TEX11: variants seen among roughly 807,000 people sequenced by gnomAD.
TEX11 encodes the protein testis-expressed protein 11.
A neutral mutation model predicts 84.4 loss-of-function variants in TEX11; 7 were observed. The observed-to-expected ratio is 0.08, with a 90% confidence interval of 0.05 to 0.16. The LOEUF is 0.16. Ranked by LOEUF, TEX11 falls within the 10% of genes least tolerant of loss-of-function variation. TEX11 has a pLI of 1.00. For missense variants in TEX11, 551 were observed against 660.5 expected (o/e 0.83, Z 1.82); for synonymous variants, 264 against 222.8 (o/e 1.18, Z -1.64).
At chrX:70,528,771 G>A (rs1408929626), downstream of TEX11, among the ~76,000 whole-genome samples, 1 of 111,426 alleles carries the variant, frequency 9.0e-6, no homozygotes, top group Non-Finnish European at 1.9e-5. Flanking sequence ...CAGGGATTAG[G>A]AATTTGAGCA....
chrX:70,628,874 G>A (rs776616829), intron 18 of TEX11, among the ~76,000 whole-genome samples: 10 of 112,481 alleles, frequency 8.9e-5, no homozygotes, highest in Non-Finnish European at 1.7e-4. Flanking sequence ...AAGCCAAAGA[G>A]AGCTACTGGA....
intron 25 of TEX11, among the ~76,000 whole-genome samples, chrX:70,558,410 C>G (rs943445182): frequency 4.5e-5 from 5 of 111,309 alleles, no homozygotes; most frequent in Non-Finnish European, 9.4e-5. Flanking sequence ...ATAGCATATA[C>G]AAGAATTAAC....
chrX:70,713,782 T>C (rs1312925134), intron 13 of TEX11, among the ~76,000 whole-genome samples: 2 of 111,772 alleles, frequency 1.8e-5, no homozygotes, highest in African/African-American at 6.5e-5. Flanking sequence ...TTTTTGTGTC[T>C]CTATTTCCTT....
At chrX:70,665,318 C>G (rs900944136) in intron 16 of TEX11, among the ~76,000 whole-genome samples, 6 of 111,411 alleles carry the variant, frequency 5.4e-5, no homozygotes, top group Non-Finnish European at 1.1e-4. Flanking sequence ...CAGCAAAATC[C>G]CATTATATCA....
At chrX:70,799,668 TG>T (rs1447999952) in intron 9 of TEX11, among the ~76,000 whole-genome samples, 2 of 112,114 alleles carry the variant, frequency 1.8e-5, no homozygotes, top group Non-Finnish European at 3.8e-5. Context: ...GGGATCATAC[TG>T]GTAAAGCCAT....
chrX:70,511,683 G>A, the TEX11 span, among the ~76,000 whole-genome samples: 1 of 96,450 alleles, frequency 1.0e-5, no homozygotes, highest in Non-Finnish European at 2.1e-5. Context: ...AACCTGGGAG[G>A]CAGAGGTTGC....
intron 2 of TEX11, among the ~76,000 whole-genome samples, chrX:70,888,641 A>G (rs1226397043): frequency 8.9e-6 from 1 of 111,860 alleles, no homozygotes; most frequent in East Asian, 2.8e-4. Flanking sequence ...GAGGAAGAGA[A>G]AGACATAGGG....
At position 70,897,689 on chromosome X, in the gene TEX11, AAGAAAG is replaced by A. The variant is rs1569463200; in HGVS notation, c.37+10058_37+10063del. The A allele has an allele frequency of 5.1e-5, 3 of 59,295 alleles. No homozygotes were observed. In the East Asian group the frequency reaches 1.8e-3, roughly 35 times the overall value. 4.9% of individuals were successfully genotyped at this position (59,295 alleles called of 1,213,427 possible). A position where few individuals can be genotyped will look rare whatever the true frequency, so the allele number is the denominator to read the frequency against. Reference sequence around the variant, plus strand: ...GAAAACAAAGAAAGAAAAAGAAAGAAAGAAAGAAAGAAAGAAAGAAAGAAAGAAAGA... The same window carrying A: ...GAAAACAAAGAAAGAAAAAGAAAGAAAAAGAAAGAAAGAAAGAAAGAAAGA... On this transcript the variant is annotated intron_variant, in intron 2 of 29. Transcript: ENST00000374333.
chrX:70,514,016 G>A, the TEX11 span, among the ~76,000 whole-genome samples: 1 of 109,074 alleles, frequency 9.2e-6, no homozygotes, highest in South Asian at 3.8e-4. Context: ...ACATGCATTA[G>A]TTTGAACCGT....
intron 17 of TEX11, among the ~76,000 whole-genome samples, chrX:70,641,903 A>G (rs1288396880): frequency 1.8e-5 from 2 of 111,782 alleles, no homozygotes; most frequent in South Asian, 3.8e-4. Flanking sequence ...ACAGAAGGCA[A>G]GAAATAACTA....
chrX:70,705,772 C>A (rs763826297), intron 13 of TEX11, among the ~76,000 whole-genome samples: 2 of 111,498 alleles, frequency 1.8e-5, no homozygotes, highest in South Asian at 7.5e-4. Flanking sequence ...CCATCTCACA[C>A]CAGTTAGAAT....
intron 9 of TEX11, among the ~76,000 whole-genome samples, chrX:70,754,079 G>A (rs1444062700): frequency 9.0e-6 from 1 of 111,556 alleles, no homozygotes; most frequent in African/African-American, 3.3e-5. Flanking sequence ...ACGTAAAGGG[G>A]ACTGTGTCTT....
chrX:70,729,030 G>A (rs762992062), intron 11 of TEX11, among the ~76,000 whole-genome samples: 1,077 of 87,992 alleles, frequency 0.012, 9 homozygotes, highest in Middle Eastern at 0.026. Context: ...TGCAGCCTCC[G>A]CTCTGATACC....
At chrX:70,545,166 T>C (rs772596038) in intron 28 of TEX11, among the ~76,000 whole-genome samples, 85 of 110,696 alleles carry the variant, frequency 7.7e-4, no homozygotes, top group Non-Finnish European at 1.1e-3. Flanking sequence ...GATTGCGCCA[T>C]GGCACTCCAG....
chrX:70,882,617 T>TA (rs748844997), intron 2 of TEX11, among the ~76,000 whole-genome samples: 1 of 110,724 alleles, frequency 9.0e-6, no homozygotes, highest in African/African-American at 3.3e-5. Flanking sequence ...TTCATCTCCA[T>TA]AAAAAACTTA....
At chrX:70,877,698 A>G (rs1160767750) in intron 3 of TEX11, among the ~76,000 whole-genome samples, 3 of 112,165 alleles carry the variant, frequency 2.7e-5, no homozygotes, top group Admixed American at 9.5e-5. Context: ...TTCAGTCTTA[A>G]AAAGGAAGGA....
chrX:70,645,057 G>T (rs1488632585), intron 17 of TEX11, among the ~76,000 whole-genome samples: 1 of 110,330 alleles, frequency 9.1e-6, no homozygotes, highest in East Asian at 2.8e-4. Flanking sequence ...CTAGAAGAAA[G>T]ATAAAGTCCT....
intron 8 of TEX11, among the ~76,000 whole-genome samples, chrX:70,808,810 A>C (rs749291444): frequency 8.9e-6 from 1 of 111,794 alleles, no homozygotes; most frequent in South Asian, 3.7e-4. Context: ...TGATGTTTTC[A>C]AAATACTCAG....
At chrX:70,530,692 G>A (rs2087875335) in intron 28 of TEX11, among the ~76,000 whole-genome samples, 1 of 112,180 alleles carries the variant, frequency 8.9e-6, no homozygotes, top group Non-Finnish European at 1.9e-5. Context: ...AGACACATTA[G>A]GCAGCAGCTT....
Sources: allele counts gnomAD v4.1 joint callset (sites outside exome capture counted in the v4.1 genomes callset), GRCh38; gene constraint gnomAD v4.1.1; transcripts MANE v1.5; gene names NCBI Gene and HGNC (gene_info 2026-07-23, HGNC 2026-07-21).